DCC: variants seen among roughly 807,000 people sequenced by gnomAD.
DCC encodes the protein DCC netrin 1 receptor.
Under a neutral mutation model 172.5 loss-of-function variants are expected in DCC, and 58 were observed. The ratio of observed to expected loss-of-function variants is 0.34; its 90% CI spans 0.27 to 0.42. The LOEUF (loss-of-function observed/expected upper bound fraction) is 0.42. Among genes scored for constraint, DCC ranks in the 10% least tolerant of loss-of-function variants. The probability of loss-of-function intolerance (pLI) is 1.00; values close to 1 mark genes in which losing one functional copy is unlikely to be tolerated. For synonymous variants in DCC, 709 were observed against 644.5 expected, an observed-to-expected ratio of 1.10 and a Z score of -1.52; for missense variants, 1,740 against 1,791.0, an observed-to-expected ratio of 0.97 and a Z score of 0.51.
intron 12 of DCC, among the ~76,000 whole-genome samples, chr18:53,258,341 G>T: frequency 6.6e-6 from 1 of 151,832 alleles, no homozygotes; most frequent in East Asian, 1.9e-4. Flanking sequence ...TTTCTCTGGT[G>T]GGCATTTAGT....
At chr18:53,093,659 A>G (rs899427005) in intron 7 of DCC, among the ~76,000 whole-genome samples, 8 of 152,202 alleles carry the variant, frequency 5.3e-5, no homozygotes, top group South Asian at 4.1e-4. Context: ...CTTCTCATCA[A>G]TAGTGAAGCC....
At chr18:53,140,314 C>T (rs965207152) in intron 7 of DCC, among the ~76,000 whole-genome samples, 1 of 152,118 alleles carries the variant, frequency 6.6e-6, no homozygotes, top group African/African-American at 2.4e-5. Context: ...TCAGTGTCAA[C>T]TCAGATTAAT....
intron 5 of DCC, among the ~76,000 whole-genome samples, chr18:52,982,614 AT>A (rs2041230118): frequency 6.6e-6 from 1 of 152,064 alleles, no homozygotes; most frequent in South Asian, 2.1e-4. Flanking sequence ...TACCTACTAG[AT>A]GCCACTAGCA....
At chr18:52,414,186 T>C (rs1598798887) in intron 1 of DCC, among the ~76,000 whole-genome samples, 1 of 152,106 alleles carries the variant, frequency 6.6e-6, no homozygotes, top group African/African-American at 2.4e-5. Flanking sequence ...GTTCAAGTGA[T>C]TCTCCTGCCT....
chr18:52,567,974 A>C (rs2033200852), intron 1 of DCC, among the ~76,000 whole-genome samples: 1 of 152,158 alleles, frequency 6.6e-6, no homozygotes, highest in South Asian at 2.1e-4. Context: ...AACTGATGAA[A>C]TCTGACTAAA....
intron 5 of DCC, among the ~76,000 whole-genome samples, chr18:53,028,140 T>C (rs1265115227): frequency 3.9e-5 from 6 of 152,126 alleles, no homozygotes; most frequent in African/African-American, 1.4e-4. Flanking sequence ...CACACTCTCA[T>C]GTTGCCTACA....
intron 3 of DCC, among the ~76,000 whole-genome samples, chr18:52,920,540 C>T (rs1211302272): frequency 1.3e-5 from 2 of 151,824 alleles, no homozygotes; most frequent in African/African-American, 4.8e-5. Context: ...AAAATAATGG[C>T]AATAGCAAAT....
intron 5 of DCC, among the ~76,000 whole-genome samples, chr18:52,929,325 C>T (rs2040267403): frequency 6.6e-6 from 1 of 151,698 alleles, no homozygotes; most frequent in African/African-American, 2.4e-5. Flanking sequence ...CTGCTCCACA[C>T]ATTCCTATTC....
intron 13 of DCC, among the ~76,000 whole-genome samples, chr18:53,309,492 A>C (rs1192626954): frequency 6.6e-6 from 1 of 152,176 alleles, no homozygotes; most frequent in Non-Finnish European, 1.5e-5. Flanking sequence ...TTCTAGGGGG[A>C]TACCATTCAA....
chr18:53,061,562 T>C (rs1449215165), intron 5 of DCC, among the ~76,000 whole-genome samples: 1 of 152,046 alleles, frequency 6.6e-6, no homozygotes, highest in African/African-American at 2.4e-5. Context: ...GTTAGAAAGG[T>C]GATTTTATTT....
At chr18:52,543,696 C>G (rs1013438846) in intron 1 of DCC, among the ~76,000 whole-genome samples, 5 of 152,132 alleles carry the variant, frequency 3.3e-5, no homozygotes, top group African/African-American at 1.2e-4. Flanking sequence ...AAGTATAAAA[C>G]AGAGCCCCCT....
At chr18:52,932,943 ACT>A (rs2040330003) in intron 5 of DCC, among the ~76,000 whole-genome samples, 1 of 152,112 alleles carries the variant, frequency 6.6e-6, no homozygotes, top group African/African-American at 2.4e-5. Context: ...TAGATAATAG[ACT>A]AAGCTATTCA....
At chr18:53,471,166 G>A (rs557490440) in intron 25 of DCC, among the ~76,000 whole-genome samples, 9 of 152,042 alleles carry the variant, frequency 5.9e-5, no homozygotes, top group South Asian at 4.2e-4. Flanking sequence ...AAAACTATTC[G>A]TATTTTTTGT....
intron 2 of DCC, among the ~76,000 whole-genome samples, chr18:52,781,061 A>AAAGTGT (rs2145185138): frequency 6.6e-6 from 1 of 152,310 alleles, no homozygotes; most frequent in South Asian, 2.1e-4. Flanking sequence ...AGACCCAGGG[A>AAAGTGT]AAGTGTCTAT....
At chr18:52,953,049 A>G (rs1013275833) in intron 5 of DCC, among the ~76,000 whole-genome samples, 1 of 148,444 alleles carries the variant, frequency 6.7e-6, no homozygotes, top group African/African-American at 2.5e-5. Context: ...TGCCTTTAAT[A>G]CCTCTCTAAT....
intron 5 of DCC, among the ~76,000 whole-genome samples, chr18:52,989,118 A>C (rs943159915): frequency 2.6e-5 from 4 of 152,140 alleles, no homozygotes; most frequent in African/African-American, 9.7e-5. Context: ...TAGAGAGAAT[A>C]GTTTAATTCA....
At chr18:52,545,622 A>G (rs1290756981) in intron 1 of DCC, among the ~76,000 whole-genome samples, 1 of 152,222 alleles carries the variant, frequency 6.6e-6, no homozygotes, top group Non-Finnish European at 1.5e-5. Flanking sequence ...ATAAATTTAC[A>G]TATACTGAGG....
At chr18:53,226,948 A>ATATATTTTTTT in intron 12 of DCC, among the ~76,000 whole-genome samples, 53 of 52,944 alleles carry the variant, frequency 1.0e-3, no homozygotes, top group East Asian at 4.3e-3. Context: ...ATATATATAT[A>ATATATTTTTTT]TTTTTTTTTT....
chr18:53,289,397 C>T (rs184754318), intron 12 of DCC, among the ~76,000 whole-genome samples: 45 of 152,190 alleles, frequency 3.0e-4, no homozygotes, highest in African/African-American at 1.1e-3. Context: ...AAATTCTCTA[C>T]GAAGCCAGAA....
Sources: allele counts gnomAD v4.1 joint callset (sites outside exome capture counted in the v4.1 genomes callset), GRCh38; gene constraint gnomAD v4.1.1; transcripts MANE v1.5; gene names NCBI Gene and HGNC (gene_info 2026-07-23, HGNC 2026-07-21).